The following BCL11B variants were observed in gnomAD, a reference collection of about 807,000 sequenced individuals.
The protein encoded by BCL11B is B-cell lymphoma/leukemia 11B.
In BCL11B, 8 loss-of-function variants were observed where a neutral mutation model predicts 49.9. The ratio of observed to expected loss-of-function variants is 0.16; its 90% CI spans 0.09 to 0.29. The LOEUF is 0.29. BCL11B is among the 10% of genes least tolerant of loss of function. BCL11B has a pLI of 1.00. For missense variants in BCL11B, 1,006 were observed against 1,351.0 expected (o/e 0.74, Z 4.00); for synonymous variants, 739 against 637.4 (o/e 1.16, Z -2.40).
chr14:99,209,832 A>G (rs1349579702), intron 3 of BCL11B, among the ~76,000 whole-genome samples: 1 of 152,100 alleles, frequency 6.6e-6, no homozygotes, highest in African/African-American at 2.4e-5. Flanking sequence ...CACTGCAAAA[A>G]TGCAGTGCTC....
At chr14:99,193,909 G>A (rs1007792343) in intron 3 of BCL11B, among the ~76,000 whole-genome samples, 2 of 152,138 alleles carry the variant, frequency 1.3e-5, no homozygotes, top group African/African-American at 4.8e-5. Flanking sequence ...CAATCTGAAG[G>A]ATTTTATTTC....
At chr14:99,254,201 C>T (rs1361810625) in intron 2 of BCL11B, among the ~76,000 whole-genome samples, 1 of 152,236 alleles carries the variant, frequency 6.6e-6, no homozygotes, top group Non-Finnish European at 1.5e-5. Context: ...TGAATGAATG[C>T]CCTCCAGAAA....
chr14:99,224,186 C>A (rs1187561771), intron 3 of BCL11B, among the ~76,000 whole-genome samples: 1 of 152,162 alleles, frequency 6.6e-6, no homozygotes, highest in Admixed American at 6.5e-5. Context: ...TCCACTACAG[C>A]CCAGTGGGAA....
intron 3 of BCL11B, among the ~76,000 whole-genome samples, chr14:99,200,025 T>C (rs1450459745): frequency 6.6e-6 from 1 of 151,642 alleles, no homozygotes; most frequent in African/African-American, 2.4e-5. Context: ...TGAGAGTCTA[T>C]TTCTTGTGAA....
rs1457961150 is a variant in BCL11B at position 99,241,002 on chromosome 14, CTT to C, written c.428-9447_428-9446del. ...ATTGGGGGAAATCATAGCACGCTGA[CTT>C]TGATTTTGTTGTAATTTTTTTTTTT... On this transcript the variant is annotated intron_variant, in intron 2 of 3. Transcript: ENST00000357195. The surrounding 1 kb of genome is among the most constrained non-coding windows in gnomAD (Gnocchi z 4.4). Among the ~76,000 whole-genome samples the C allele has an allele frequency of 2.0e-5, 3 of 150,862 alleles. No individual in the cohort carries two copies. Among genetic ancestry groups the C allele is most frequent in the Non-Finnish European group, 4.4e-5 (3 of 67,814 alleles).
chr14:99,222,523 T>TC (rs1467837208), intron 3 of BCL11B, among the ~76,000 whole-genome samples: 2 of 152,172 alleles, frequency 1.3e-5, no homozygotes, highest in Non-Finnish European at 2.9e-5. Flanking sequence ...AGTCCCTGAC[T>TC]CCCAGTCAGA....
chr14:99,199,640 C>CTGTGTGTGTGTGTGTGTGTG (rs79328426), intron 3 of BCL11B, among the ~76,000 whole-genome samples: 2 of 109,524 alleles, frequency 1.8e-5, no homozygotes, highest in African/African-American at 7.4e-5. Context: ...TGGCTAAATG[C>CTGTGTGTGTGTGTGTGTGTG]TGTGTGTGTG....
In BCL11B at chr14:99,205,636, C is replaced by T. The variant is rs534522911; in HGVS notation, c.640+25709G>A. Among the ~76,000 whole-genome samples the T allele has an allele frequency of 6.6e-6, 1 of 152,194 alleles. No individual in the cohort carries two copies. The highest frequency in any genetic ancestry group is 2.1e-4 in the South Asian group (1 of 4,816). ...AATTTGACAGGACATTTGAAGCATC[C>T]GCCCCCCTACCCCCCAGCTTTGTGG... On this transcript the variant is annotated intron_variant, in intron 3 of 3. Coordinates refer to ENST00000357195, the MANE Select transcript of BCL11B (RefSeq NM_138576.4). The surrounding 1 kb of genome is among the most constrained non-coding windows in gnomAD (Gnocchi z 5.0).
At chr14:99,227,683 A>C (rs1888197416) in intron 3 of BCL11B, among the ~76,000 whole-genome samples, 1 of 152,198 alleles carries the variant, frequency 6.6e-6, no homozygotes, top group Admixed American at 6.5e-5. Context: ...ATACACATAT[A>C]CATACATACG....
chr14:99,189,224 G>A (rs528695835), intron 3 of BCL11B, among the ~76,000 whole-genome samples: 4 of 152,312 alleles, frequency 2.6e-5, no homozygotes, highest in African/African-American at 7.2e-5. Context: ...CTCTGCCACC[G>A]TGCCAAGCTT....
rs1350386971 is a variant in BCL11B, at chr14:99,175,002, C to T, written c.1834G>A (p.Glu612Lys). The change falls in exon 4 of 4, where the codon GAG becomes AAG. Residue 612 changes from glutamate (E) to lysine (K), a missense_variant. This residue lies in a region of BCL11B where 443 missense variants were observed against 499.7 expected (regional missense o/e 0.89). Coordinates refer to ENST00000357195, the MANE Select transcript of BCL11B (RefSeq NM_138576.4). ...VGLGALPQYGELLADKQKRGA... is the reference protein window; with the variant it reads ...VGLGALPQYGKLLADKQKRGA... ...CGCTTCTGCTTGTCGGCCAGGAGCTCGCCGTACTGCGGCAGTGCGCCTAGG... is the reference window on the plus strand; with the variant it reads ...CGCTTCTGCTTGTCGGCCAGGAGCTTGCCGTACTGCGGCAGTGCGCCTAGG... The T allele has an allele frequency of 1.9e-6, 3 of 1,587,144 alleles. No homozygotes were observed. Among genetic ancestry groups the T allele is most frequent in the Admixed American group, 1.7e-5 (1 of 59,432 alleles).
Position 99,232,227 on chromosome 14 carries a change from C to G in BCL11B, c.428-670G>C, listed in dbSNP as rs1478991840. Among the ~76,000 whole-genome samples, 1 of 152,174 alleles carries G rather than the reference C, an allele frequency of 6.6e-6. No individual in the cohort carries two copies. Among genetic ancestry groups the G allele is most frequent in the Non-Finnish European group, 1.5e-5 (1 of 68,028 alleles). On this transcript the variant is annotated intron_variant, in intron 2 of 3. Coordinates refer to ENST00000357195, the MANE Select transcript of BCL11B (RefSeq NM_138576.4). This position sits in a 1 kb window ranked among gnomAD's most constrained non-coding sequence, Gnocchi z 5.1. ...AAGAAAACCCTGGCGCTGCTCACCC[C>G]CTCCTAACGTCTCGGCCTGGCTTGG...
intron 1 of BCL11B, among the ~76,000 whole-genome samples, chr14:99,265,560 G>C (rs140035307): frequency 9.9e-5 from 15 of 152,284 alleles, no homozygotes; most frequent in African/African-American, 3.6e-4. Context: ...TAAGGCAAAG[G>C]ATTGGAGATT....
intron 1 of BCL11B, among the ~76,000 whole-genome samples, chr14:99,267,706 A>G (rs1374309581): frequency 2.0e-5 from 3 of 152,230 alleles, no homozygotes; most frequent in Non-Finnish European, 4.4e-5. Flanking sequence ...ACACAGCTAC[A>G]GCAAAACCTA....
intron 3 of BCL11B, among the ~76,000 whole-genome samples, chr14:99,200,213 G>A (rs535123443): frequency 8.5e-5 from 13 of 152,120 alleles, no homozygotes; most frequent in Admixed American, 5.9e-4. Context: ...GCAGGGGTCC[G>A]CAGCCGAGAG....
intron 3 of BCL11B, among the ~76,000 whole-genome samples, chr14:99,207,587 G>T (rs911933744): frequency 6.6e-6 from 1 of 152,210 alleles, no homozygotes; most frequent in Non-Finnish European, 1.5e-5. Context: ...GGAGCTAGAG[G>T]CATCAGGCAC....
chr14:99,174,868 G>T lies in BCL11B; in HGVS notation c.1968C>A (p.Gly656=). The T allele has an allele frequency of 8.6e-7, 1 of 1,165,830 alleles. No individual in the cohort carries two copies. The highest frequency in any genetic ancestry group is 1.1e-6 in the Non-Finnish European group (1 of 946,728). 72.2% of individuals were successfully genotyped at this position (1,165,830 alleles called of 1,614,324 possible). ...GAGGAVNGRG[G]GFAPGTEPFP... is the part of the protein sequence containing the mutation. ...AGGGCTCGGTGCCTGGCGCGAAGCC[G>T]CCCCCGCGCCCGTTGACCGCGCCGC... Residue 656 remains glycine (G), a synonymous_variant, in exon 4 of 4, where the codon GGC becomes GGA. Coordinates refer to ENST00000357195, the MANE Select transcript of BCL11B (RefSeq NM_138576.4).
rs2139953993 is a variant in BCL11B at position 99,257,725 on chromosome 14, C to T, written c.173G>A (p.Cys58Tyr). Reference protein sequence around the residue: ...VGGPDPDLLTCGQCQMNFPLG... With the variant: ...VGGPDPDLLTYGQCQMNFPLG... ...GGGGAAGTTCATTTGACACTGGCCA[C>T]AGGTGAGCAGGTCAGGGTCGGGGCC... Residue 58 changes from cysteine (C) to tyrosine (Y), a missense_variant, in exon 2 of 4, where the codon TGT becomes TAT. Cys to Tyr is a radical substitution (Grantham distance 194). Around this residue, in one of 6 missense-constraint regions of BCL11B, gnomAD observed 411 missense variants for 542.2 expected, o/e 0.76. Coordinates refer to ENST00000357195, the MANE Select transcript of BCL11B (RefSeq NM_138576.4). This position sits in a 1 kb window ranked among gnomAD's most constrained non-coding sequence, Gnocchi z 6.2. 6.2e-7 allele frequency: 1 copy of T among 1,612,180 alleles called. No individual in the cohort carries two copies. Among genetic ancestry groups the T allele is most frequent in the South Asian group, 1.1e-5 (1 of 90,822 alleles).
intron 3 of BCL11B, among the ~76,000 whole-genome samples, chr14:99,189,528 A>G (rs1886960401): frequency 6.6e-6 from 1 of 152,210 alleles, no homozygotes; most frequent in Non-Finnish European, 1.5e-5. Context: ...TAATGTCGAC[A>G]AGGAGTTACA....
Sources: allele counts gnomAD v4.1 joint callset (sites outside exome capture counted in the v4.1 genomes callset), GRCh38; gene constraint gnomAD v4.1.1; regional missense constraint gnomAD v4.1.1; non-coding constraint Gnocchi (gnomAD v3.1); transcripts MANE v1.5; gene names NCBI Gene and HGNC (gene_info 2026-07-23, HGNC 2026-07-21).